The following NALCN variants were observed in gnomAD, a reference collection of about 807,000 sequenced individuals.
NALCN encodes the protein sodium leak channel NALCN.
NALCN carries 111 observed loss-of-function variants against 225.3 expected under a neutral mutation model. The observed-to-expected ratio is 0.49, with a 90% CI of 0.42 to 0.58. The LOEUF (loss-of-function observed/expected upper bound fraction) is 0.58, where lower values mean the gene tolerates loss of function less well. Ranked by LOEUF, NALCN falls within the 20% of genes least tolerant of loss-of-function variation. The probability of loss-of-function intolerance (pLI) is 0.00; values close to 1 mark genes in which losing one functional copy is unlikely to be tolerated. For missense variants in NALCN, 1,378 were observed against 2,202.4 expected, an observed-to-expected ratio of 0.63 and a Z score of 7.49; for synonymous variants, 764 against 769.0, an observed-to-expected ratio of 0.99 and a Z score of 0.11.
At chr13:101,074,054 A>G (rs1266802380) in intron 36 of NALCN, among the ~76,000 whole-genome samples, 1 of 152,140 alleles carries the variant, frequency 6.6e-6, no homozygotes. Context: ...AAAAAAAATG[A>G]TGCATCTATA....
At chr13:101,274,808 C>G (rs978117543) in intron 10 of NALCN, among the ~76,000 whole-genome samples, 22 of 152,036 alleles carry the variant, frequency 1.4e-4, no homozygotes, top group Non-Finnish European at 2.9e-4. Context: ...ATAAACTTCT[C>G]AAGTCCTATA....
chr13:101,199,070 A>C, intron 13 of NALCN, among the ~76,000 whole-genome samples: 1 of 151,102 alleles, frequency 6.6e-6, no homozygotes, highest in East Asian at 2.0e-4. Flanking sequence ...TTTCTCACTC[A>C]TAGGTGGGAA....
At chr13:101,162,851 T>C (rs993423152) in intron 15 of NALCN, among the ~76,000 whole-genome samples, 7 of 152,244 alleles carry the variant, frequency 4.6e-5, no homozygotes, top group African/African-American at 1.2e-4. Flanking sequence ...GGAGTTGAAG[T>C]GTGAGCTTCT....
chr13:101,142,824 T>G, intron 17 of NALCN: 16 of 440,908 alleles, frequency 3.6e-5, no homozygotes, highest in Non-Finnish European at 5.9e-5. Context: ...AAAATGCAGA[T>G]TTGGGAGGCT....
At chr13:101,409,058 T>C (rs1320228224) in intron 1 of NALCN, among the ~76,000 whole-genome samples, 1 of 152,196 alleles carries the variant, frequency 6.6e-6, no homozygotes. Flanking sequence ...GGATTCTGTT[T>C]TGTTTTATTT....
At chr13:101,109,666 C>T (rs1013793005) in intron 20 of NALCN, among the ~76,000 whole-genome samples, 1 of 152,130 alleles carries the variant, frequency 6.6e-6, no homozygotes, top group Non-Finnish European at 1.5e-5. Flanking sequence ...TTTACCAGGG[C>T]TTCATAATTA....
At chr13:101,353,029 AT>A (rs1333333796) in intron 6 of NALCN, among the ~76,000 whole-genome samples, 1 of 152,188 alleles carries the variant, frequency 6.6e-6, no homozygotes, top group African/African-American at 2.4e-5. Context: ...CAACTTGAGC[AT>A]TTTGTTTTTG....
At chr13:101,111,571 C>T (rs1441137446) in intron 18 of NALCN, among the ~76,000 whole-genome samples, 1 of 152,138 alleles carries the variant, frequency 6.6e-6, no homozygotes, top group African/African-American at 2.4e-5. Context: ...TATGGTTTGG[C>T]TTTGTCCCCA....
intron 7 of NALCN, among the ~76,000 whole-genome samples, chr13:101,335,501 G>A (rs572979546): frequency 1.3e-5 from 2 of 152,142 alleles, no homozygotes; most frequent in East Asian, 1.9e-4. Context: ...TCTTGTCCTC[G>A]ACTCAACAAA....
At chr13:101,391,906 C>T (rs2047157537) in intron 3 of NALCN, among the ~76,000 whole-genome samples, 1 of 150,978 alleles carries the variant, frequency 6.6e-6, no homozygotes, top group South Asian at 2.1e-4. Flanking sequence ...ATCGCTTGAA[C>T]CTGGGGGACA....
At chr13:101,405,562 T>C (rs1301538269) in intron 1 of NALCN, among the ~76,000 whole-genome samples, 1 of 151,864 alleles carries the variant, frequency 6.6e-6, no homozygotes, top group Non-Finnish European at 1.5e-5. Context: ...TGAGCCCAGA[T>C]CATCTGTGTC....
chr13:101,303,840 A>C (rs1330230818), intron 7 of NALCN, among the ~76,000 whole-genome samples: 2 of 152,204 alleles, frequency 1.3e-5, no homozygotes, highest in African/African-American at 4.8e-5. Context: ...CAAGAGAGCA[A>C]TCAGACATTT....
At chr13:101,215,986 C>A (rs1566443075) in intron 13 of NALCN, among the ~76,000 whole-genome samples, 1 of 152,102 alleles carries the variant, frequency 6.6e-6, no homozygotes, top group Admixed American at 6.6e-5. Flanking sequence ...GACAGCCCAT[C>A]ATATTCACAA....
chr13:101,235,008 T>C (rs1237746158), intron 12 of NALCN, among the ~76,000 whole-genome samples: 1 of 151,950 alleles, frequency 6.6e-6, no homozygotes, highest in African/African-American at 2.4e-5. Context: ...TTGTAATAAA[T>C]TGGTTTCTTT....
chr13:101,156,014 A>G (rs970045121), intron 15 of NALCN, among the ~76,000 whole-genome samples: 5 of 152,062 alleles, frequency 3.3e-5, no homozygotes, highest in Non-Finnish European at 7.4e-5. Flanking sequence ...TTATTCAATC[A>G]TGTATCTGTA....
At chr13:101,391,761 G>T (rs1384591656) in intron 3 of NALCN, among the ~76,000 whole-genome samples, 1 of 151,158 alleles carries the variant, frequency 6.6e-6, no homozygotes, top group Non-Finnish European at 1.5e-5. Flanking sequence ...AAGACAGGTG[G>T]ATCACAAGGT....
intron 9 of NALCN, among the ~76,000 whole-genome samples, chr13:101,286,502 A>G (rs890111949): frequency 3.3e-5 from 5 of 152,168 alleles, no homozygotes; most frequent in African/African-American, 1.2e-4. Context: ...TGCAAAGTGG[A>G]ACAGGAAGGA....
At chr13:101,340,534 G>A (rs3929868) in intron 7 of NALCN, among the ~76,000 whole-genome samples, 15,906 of 152,206 alleles carry the variant, frequency 0.1, 1,258 homozygotes, top group East Asian at 0.37. Context: ...TACTCTAAGT[G>A]TAGTTTCTCA....
intron 3 of NALCN, among the ~76,000 whole-genome samples, chr13:101,388,507 C>T (rs1158875844): frequency 2.0e-5 from 3 of 152,120 alleles, no homozygotes; most frequent in Non-Finnish European, 4.4e-5. Context: ...GGCTAATTTA[C>T]AGCATTTTGA....
Sources: allele counts gnomAD v4.1 joint callset (sites outside exome capture counted in the v4.1 genomes callset), GRCh38; gene constraint gnomAD v4.1.1; transcripts MANE v1.5; gene names NCBI Gene and HGNC (gene_info 2026-07-23, HGNC 2026-07-21).